The following GNAS variants were observed in gnomAD, a reference collection of about 807,000 sequenced individuals.
GNAS encodes GNAS complex locus, also known as protein ALEX.
Under a neutral mutation model 54.5 loss-of-function variants are expected in GNAS, and 8 were observed. That is an observed-to-expected ratio of 0.15 (90% CI 0.09 to 0.26). The LOEUF (loss-of-function observed/expected upper bound fraction) is 0.26, where lower values mean the gene tolerates loss of function less well. GNAS is among the 10% of genes least tolerant of loss of function. The probability of loss-of-function intolerance (pLI) is 1.00; values close to 1 mark genes in which losing one functional copy is unlikely to be tolerated. For synonymous variants in GNAS, 204 were observed against 191.4 expected (o/e 1.07, Z -0.54); for missense variants, 170 against 529.8 (o/e 0.32, Z 6.67).
rs2086584208 is a variant in GNAS, at chr20:58,857,907, A to G, written c.43+17021A>G. On this transcript the variant is annotated intron_variant, in intron 1 of 12. Transcript: ENST00000306090. This position sits in a 1 kb window ranked among gnomAD's most constrained non-coding sequence, Gnocchi z 4.1. The stretch of plus-strand genomic sequence containing the variant: ...TGTTCTCGGGTGCTGGTAGCCAAAC[A>G]CCTTTGGATGCAGCATAGTCCAGAA... 6.6e-6 allele frequency among the ~76,000 whole-genome samples: 1 copy of G among 152,128 alleles called. No individual in the cohort carries two copies. Among genetic ancestry groups the G allele is most frequent in the South Asian group, 2.1e-4 (1 of 4,822 alleles).
At chr20:58,866,823 C>G (rs749067866) in intron 1 of GNAS, among the ~76,000 whole-genome samples, 3 of 150,538 alleles carry the variant, frequency 2.0e-5, no homozygotes, top group African/African-American at 4.9e-5. Flanking sequence ...TGACCTCTGA[C>G]TTCATTGCAA....
chr20:58,859,867 G>A (rs6015390), intron 1 of GNAS, among the ~76,000 whole-genome samples: 11,916 of 151,952 alleles, frequency 0.078, 968 homozygotes, highest in African/African-American at 0.21. Flanking sequence ...CTCGTGATCC[G>A]CCCGCCTCAG....
At chr20:58,892,012 C>G (rs2089436241) in intron 1 of GNAS, 147 bp downstream of exon 1, 9 of 787,266 alleles carry the variant, frequency 1.1e-5, no homozygotes, top group Non-Finnish European at 1.4e-5. Flanking sequence ...GGGGGCGAGG[C>G]CGGAAGGGGG....
At chr20:58,872,279 T>C (rs149965729) in intron 1 of GNAS, among the ~76,000 whole-genome samples, 2 of 152,312 alleles carry the variant, frequency 1.3e-5, no homozygotes, top group African/African-American at 4.8e-5. Context: ...TGTTTTCACA[T>C]GCCTTATCCC....
intron 1 of GNAS, chr20:58,876,516 G>T (rs976709783): frequency 4.6e-5 from 7 of 152,086 alleles, no homozygotes; most frequent in African/African-American, 1.7e-4. Flanking sequence ...ACATGATGCG[G>T]TGTCCACAAC....
At chr20:58,868,354 A>G (rs796325246) in intron 1 of GNAS, among the ~76,000 whole-genome samples, 3 of 151,730 alleles carry the variant, frequency 2.0e-5, no homozygotes, top group African/African-American at 7.3e-5. Context: ...GGGTTTCACC[A>G]TGTTAGCCAG....
At chr20:58,861,044 CCTT>C (rs1258455991) in intron 1 of GNAS, among the ~76,000 whole-genome samples, 7 of 152,156 alleles carry the variant, frequency 4.6e-5, no homozygotes, top group East Asian at 1.9e-4. Context: ...CAGCCATGCT[CCTT>C]CTTCTTTTTA....
chr20:58,910,745 G>A lies in GNAS; in HGVS notation c.1101G>A (p.Val367=). The change falls in exon 13 of 13, where the codon GTG becomes GTA. Residue 367 remains valine (V), a synonymous_variant. Coordinates refer to ENST00000371085, the MANE Select transcript of GNAS (RefSeq NM_000516.7). The surrounding 1 kb of genome is among the most constrained non-coding windows in gnomAD (Gnocchi z 5.8). The part of the protein sequence containing the change: ...HYCYPHFTCA[V]DTENIRRVFN... ...GCTACCCTCATTTCACCTGCGCTGT[G>A]GACACTGAGAACATCCGCCGTGTGT... The A allele has an allele frequency of 1.2e-6, 2 of 1,614,018 alleles. No individual in the cohort carries two copies. Among genetic ancestry groups the A allele is most frequent in the Non-Finnish European group, 1.7e-6 (2 of 1,179,928 alleles).
chr20:58,855,479 G>A lies in GNAS; in HGVS notation c.43+14593G>A. 8.7e-6 allele frequency: 7 copies of A among 805,454 alleles called. No individual in the cohort carries two copies. In the South Asian group the frequency reaches 1.0e-4, roughly 12 times the overall value. The allele number at this position is 805,454 out of a possible 1,614,324, so 49.9% of individuals were successfully genotyped here. Reference sequence around the variant, plus strand: ...GGAAGAACTTGCTAGAAAGTTCCAGGGAGGGACCCTAACTGCCCTGGGAGC... The same window carrying A: ...GGAAGAACTTGCTAGAAAGTTCCAGAGAGGGACCCTAACTGCCCTGGGAGC... On this transcript the variant is annotated intron_variant, in intron 1 of 12. Transcript: ENST00000306090.
intron 1 of GNAS, chr20:58,854,215 G>A (rs1466028373): frequency 1.9e-6 from 3 of 1,613,172 alleles, no homozygotes; most frequent in Non-Finnish European, 2.5e-6. Context: ...GCCCCCGCTG[G>A]GGTCGACGAC....
In GNAS at chr20:58,854,411, C is replaced by G. The variant is rs1448481528; in HGVS notation, c.43+13525C>G. 3.8e-6 allele frequency: 6 copies of G among 1,566,858 alleles called. No homozygotes were observed. In the South Asian group the frequency reaches 5.8e-5, roughly 15 times the overall value. ...CCTCTCCGGGGTACGGATCCCCTGC[C>G]GCCGGGGCAGCCTCAGCGGATACCG... On this transcript the variant is annotated intron_variant, in intron 1 of 12. Coordinates refer to the GNAS transcript ENST00000306090.
chr20:58,894,907 T>C (rs1324781897), intron 1 of GNAS, among the ~76,000 whole-genome samples: 2 of 152,232 alleles, frequency 1.3e-5, no homozygotes, highest in East Asian at 1.9e-4. Context: ...AGATAATTGA[T>C]GGTCTCCCCT....
In GNAS at chr20:58,855,313, C is replaced by T. The variant is rs374419453; in HGVS notation, c.43+14427C>T. 1 of 1,575,984 alleles carries T rather than the reference C, an allele frequency of 6.3e-7. No individual in the cohort carries two copies. The highest frequency in any genetic ancestry group is 8.6e-7 in the Non-Finnish European group (1 of 1,160,492). ...GACGAAAAGATGGGCTACATGTGTACGCACCGCCTGCTGCTTCTAGGTAAT... is the reference window on the plus strand; with the variant it reads ...GACGAAAAGATGGGCTACATGTGTATGCACCGCCTGCTGCTTCTAGGTAAT... On this transcript the variant is annotated intron_variant, in intron 1 of 12. Coordinates refer to the GNAS transcript ENST00000306090.
In GNAS at chr20:58,855,126, G is replaced by C. The variant is rs773195446; in HGVS notation, c.43+14240G>C. ...CGTGCAAGCCTTCGGGGGCTGCTTCGGTCGATCTGAGAGTCCCCAGCCCAA... is the reference window on the plus strand; with the variant it reads ...CGTGCAAGCCTTCGGGGGCTGCTTCCGTCGATCTGAGAGTCCCCAGCCCAA... On this transcript the variant is annotated intron_variant, in intron 1 of 12. Coordinates refer to the GNAS transcript ENST00000306090. 6.2e-7 allele frequency: 1 copy of C among 1,613,646 alleles called. No homozygotes were observed.
chr20:58,840,774 A>G (rs1376013343), upstream of GNAS: 2 of 1,609,174 alleles, frequency 1.2e-6, no homozygotes, highest in Non-Finnish European at 1.7e-6. This position sits in a 1 kb window ranked among gnomAD's most constrained non-coding sequence, Gnocchi z 6.0. Flanking sequence ...AAGCCAAAGA[A>G]GCCCACCCGC....
Position 58,850,020 on chromosome 20 carries a change from C to T in GNAS, c.43+9134C>T, listed in dbSNP as rs530912006. Among the ~76,000 whole-genome samples, 3 of 152,272 alleles carry T rather than the reference C, an allele frequency of 2.0e-5. No homozygotes were observed. In the South Asian group the frequency reaches 6.2e-4, roughly 32 times the overall value. The stretch of plus-strand genomic sequence containing the variant: ...TCTAATTTCTCCTAACTTTTCTCCC[C>T]CTGCTCCCCAAGAGCCAGCCAAGGT... On this transcript the variant is annotated intron_variant, in intron 1 of 12. Transcript: ENST00000306090.
chr20:58,892,040 C>A (rs1162677404), intron 1 of GNAS, 175 bp downstream of exon 1: 9 of 868,106 alleles, frequency 1.0e-5, no homozygotes, highest in Non-Finnish European at 1.2e-5. Context: ...GGCGCGGATT[C>A]GGCCGGGCGG....
chr20:58,891,171 G>A (rs1211840094), upstream of GNAS: 2 of 149,164 alleles, frequency 1.3e-5, no homozygotes. Flanking sequence ...CCCCGGCCGG[G>A]CGCGGGCGGA....
chr20:58,892,098 C>T (rs2089455877), intron 1 of GNAS: 6 of 970,392 alleles, frequency 6.2e-6, no homozygotes, highest in African/African-American at 1.8e-5. Context: ...GCGCGGGTCC[C>T]CCTCCCCCGG....
Sources: allele counts gnomAD v4.1 joint callset (sites outside exome capture counted in the v4.1 genomes callset), GRCh38; gene constraint gnomAD v4.1.1; non-coding constraint Gnocchi (gnomAD v3.1); transcripts MANE v1.5; gene names NCBI Gene and HGNC (gene_info 2026-07-23, HGNC 2026-07-21).